The following BDKRB2 variants were observed in gnomAD, a reference collection of about 807,000 sequenced individuals.
The protein encoded by BDKRB2 is bradykinin receptor B2, also known as B2 bradykinin receptor.
BDKRB2 carries 6 observed loss-of-function variants against 4.0 expected under a neutral mutation model. The observed-to-expected ratio is 1.49, with a 90% CI of 0.81 to 2.93. The LOEUF (loss-of-function observed/expected upper bound fraction) is 2.93. BDKRB2 is among the 30% of genes most tolerant of loss of function. The pLI is 0.00. For missense variants in BDKRB2, 478 were observed against 520.1 expected, an observed-to-expected ratio of 0.92 and a Z score of 0.79; for synonymous variants, 225 against 215.3, an observed-to-expected ratio of 1.05 and a Z score of -0.40.
chr14:96,212,642 G>A (rs1252669239), intron 1 of BDKRB2, among the ~76,000 whole-genome samples: 3 of 152,018 alleles, frequency 2.0e-5, no homozygotes, highest in African/African-American at 4.8e-5. Context: ...GGCTCACTTG[G>A]GTGGTAAAGA....
intron 1 of BDKRB2, among the ~76,000 whole-genome samples, chr14:96,234,966 A>G (rs1890898267): frequency 6.6e-6 from 1 of 152,208 alleles, no homozygotes. Context: ...GTGAGCCCCA[A>G]GAGGACAGGG....
chr14:96,241,182 C>T lies in BDKRB2; in HGVS notation c.854C>T (p.Pro285Leu), dbSNP rs1195696280. 5 of 1,605,314 alleles carry T rather than the reference C, an allele frequency of 3.1e-6. No homozygotes were observed. The highest frequency in any genetic ancestry group is 4.3e-6 in the Non-Finnish European group (5 of 1,173,726). The change falls in exon 3 of 3, where the codon CCC becomes CTC. Residue 285 changes from proline (P) to leucine (L), a missense_variant. Physicochemically the swap from Pro to Leu is moderately conservative, Grantham distance 98. Transcript: ENST00000554311. Reference protein sequence around the residue: ...VLLLFIICWLPFQISTFLDTL... With the variant: ...VLLLFIICWLLFQISTFLDTL... Reference sequence around the variant, plus strand: ...CTGCTATTCATCATCTGCTGGCTGCCCTTCCAGATCAGCACCTTCCTGGAT... The same window carrying T: ...CTGCTATTCATCATCTGCTGGCTGCTCTTCCAGATCAGCACCTTCCTGGAT...
chr14:96,213,495 A>AACACACACACACACACACAC (rs66460667), intron 1 of BDKRB2, among the ~76,000 whole-genome samples: 3 of 146,760 alleles, frequency 2.0e-5, no homozygotes, highest in East Asian at 2.1e-4. Context: ...GACCGACCCA[A>AACACACACACACACACACAC]ACACACACAC....
At chr14:96,223,366 C>G (rs1890621443) in intron 1 of BDKRB2, 2 of 880,316 alleles carry the variant, frequency 2.3e-6, no homozygotes, top group Admixed American at 1.7e-5. Context: ...AGCTACTTTT[C>G]AGACTCAAGC....
Position 96,240,418 on chromosome 14 carries a change from T to C in BDKRB2, c.90T>C (p.Asn30=), listed in dbSNP as rs1885244786. 1 of 1,461,308 alleles carries C rather than the reference T, an allele frequency of 6.8e-7. No homozygotes were observed. Among genetic ancestry groups the C allele is most frequent in the African/African-American group, 1.4e-5 (1 of 70,218 alleles). 90.5% of individuals were successfully genotyped at this position (1,461,308 alleles called of 1,614,324 possible). A position where few individuals can be genotyped will look rare whatever the true frequency, so the allele number is the denominator to read the frequency against. The part of the protein sequence containing the change: ...TTASFSADML[N]VTLQGPTLNG... ...TTTCTTTCAGCGCCGACATGCTCAA[T>C]GTCACCTTGCAAGGGCCCACTCTTA... Residue 30 remains asparagine, a synonymous_variant, in exon 3 of 3, where the codon AAT becomes AAC. Coordinates refer to ENST00000554311, the MANE Select transcript of BDKRB2 (RefSeq NM_001379692.1).
At chr14:96,213,910 C>T (rs1010376686) in intron 1 of BDKRB2, among the ~76,000 whole-genome samples, 1 of 152,196 alleles carries the variant, frequency 6.6e-6, no homozygotes, top group African/African-American at 2.4e-5. Flanking sequence ...GTCTTCCCAT[C>T]GCATCCTGCC....
At chr14:96,216,704 A>AGG (rs1890426522) in intron 1 of BDKRB2, among the ~76,000 whole-genome samples, 1 of 116,648 alleles carries the variant, frequency 8.6e-6, no homozygotes, top group African/African-American at 3.4e-5. Flanking sequence ...AAGGAGGAGG[A>AGG]AGGAGGAGGA....
chr14:96,239,004 A>T, intron 2 of BDKRB2: 1 of 985,594 alleles, frequency 1.0e-6, no homozygotes, highest in Non-Finnish European at 1.2e-6. Flanking sequence ...TGGCTCCAGG[A>T]TGCCAGCCAG....
chr14:96,225,932 C>T (rs905238447), intron 1 of BDKRB2, among the ~76,000 whole-genome samples: 2 of 152,180 alleles, frequency 1.3e-5, no homozygotes, highest in African/African-American at 2.4e-5. Flanking sequence ...AGGGCCTGTG[C>T]CATCCCCAGG....
At chr14:96,209,066 G>A (rs1890248425) in intron 1 of BDKRB2, among the ~76,000 whole-genome samples, 2 of 152,352 alleles carry the variant, frequency 1.3e-5, no homozygotes, top group African/African-American at 4.8e-5. Context: ...ACACTCCAGT[G>A]GCAGGGTGGT....
At chr14:96,235,211 G>A (rs927533655) in intron 1 of BDKRB2, among the ~76,000 whole-genome samples, 2 of 151,944 alleles carry the variant, frequency 1.3e-5, no homozygotes, top group South Asian at 2.1e-4. Context: ...AGCCAGGCAT[G>A]GTGGCAGGCA....
chr14:96,222,400 G>A (rs1890594128), intron 1 of BDKRB2, among the ~76,000 whole-genome samples: 1 of 151,982 alleles, frequency 6.6e-6, no homozygotes, highest in Admixed American at 6.5e-5. Context: ...TGGAGGATGT[G>A]GGGTGAAAGT....
rs1476859465 is a variant in BDKRB2 at position 96,243,459 on chromosome 14, G to A, written c.*1955G>A. On this transcript the variant is annotated 3_prime_UTR_variant, in exon 3 of 3. Coordinates refer to ENST00000554311, the MANE Select transcript of BDKRB2 (RefSeq NM_001379692.1). Reference sequence around the variant, plus strand: ...GGCAGGTTAGAACCTAGAAGGGCTAGAACCTGGAGAGCCAGAACCTGGAGG... The same window carrying A: ...GGCAGGTTAGAACCTAGAAGGGCTAAAACCTGGAGAGCCAGAACCTGGAGG... The A allele has an allele frequency of 6.6e-6, 1 of 152,348 alleles. No individual in the cohort carries two copies. The highest frequency in any genetic ancestry group is 1.5e-5 in the Non-Finnish European group (1 of 68,844). The allele number at this position is 152,348 out of a possible 1,614,324, so 9.4% of individuals were successfully genotyped here. A position where few individuals can be genotyped will look rare whatever the true frequency, so the allele number is the denominator to read the frequency against.
chr14:96,209,265 C>G (rs1446930263), intron 1 of BDKRB2, among the ~76,000 whole-genome samples: 1 of 152,116 alleles, frequency 6.6e-6, no homozygotes, highest in Non-Finnish European at 1.5e-5. Context: ...TGACATTTAT[C>G]GAGAGTTTGA....
chr14:96,241,251 G>A lies in BDKRB2; in HGVS notation c.923G>A (p.Arg308His), dbSNP rs201166893. 7.4e-6 allele frequency: 12 copies of A among 1,613,106 alleles called. No homozygotes were observed. Among genetic ancestry groups the A allele is most frequent in the African/African-American group, 5.3e-5 (4 of 74,930 alleles). ...LGILSSCQDE[R>H]IIDVITQIAS... ...ATCCTCTCCAGCTGCCAGGACGAGC[G>A]CATCATCGATGTAATCACACAGATC... The change falls in exon 3 of 3, where the codon CGC becomes CAC. Residue 308 changes from arginine to histidine, a missense_variant. Transcript: ENST00000554311.
intron 1 of BDKRB2, among the ~76,000 whole-genome samples, chr14:96,225,067 G>T (rs1205690984): frequency 6.6e-6 from 1 of 152,196 alleles, no homozygotes; most frequent in Non-Finnish European, 1.5e-5. Context: ...CTCCAGAAGA[G>T]CCGTTGGATG....
chr14:96,214,766 T>G (rs1273894982), intron 1 of BDKRB2: 1 of 152,222 alleles, frequency 6.6e-6, no homozygotes, highest in Non-Finnish European at 1.5e-5. Flanking sequence ...GACGAGACAG[T>G]GTCCCCTAAA....
At chr14:96,221,777 G>C (rs1367416757) in intron 1 of BDKRB2, among the ~76,000 whole-genome samples, 1 of 152,074 alleles carries the variant, frequency 6.6e-6, no homozygotes, top group African/African-American at 2.4e-5. Flanking sequence ...CTAGAAAGAA[G>C]GGGCCAAGGT....
intron 1 of BDKRB2, among the ~76,000 whole-genome samples, chr14:96,235,555 C>G (rs1890911559): frequency 6.6e-6 from 1 of 152,112 alleles, no homozygotes; most frequent in African/African-American, 2.4e-5. Context: ...CTGATCCCAG[C>G]TGTGCTTAGG....
Sources: allele counts gnomAD v4.1 joint callset (sites outside exome capture counted in the v4.1 genomes callset), GRCh38; gene constraint gnomAD v4.1.1; transcripts MANE v1.5; gene names NCBI Gene and HGNC (gene_info 2026-07-23, HGNC 2026-07-21).